The following CACNA2D2 variants were observed in gnomAD, a reference collection of about 807,000 sequenced individuals.
The protein encoded by CACNA2D2 is voltage-dependent calcium channel subunit alpha-2/delta-2.
Under a neutral mutation model 166.4 loss-of-function variants are expected in CACNA2D2, and 48 were observed. The observed-to-expected ratio is 0.29, with a 90% CI of 0.23 to 0.37. The LOEUF is 0.37. Ranked by LOEUF, CACNA2D2 falls within the 10% of genes least tolerant of loss-of-function variation. The pLI, the probability that CACNA2D2 is intolerant of heterozygous loss-of-function variation, is 1.00. For missense variants in CACNA2D2, 1,122 were observed against 1,433.0 expected, an observed-to-expected ratio of 0.78 and a Z score of 3.50; for synonymous variants, 561 against 573.7, an observed-to-expected ratio of 0.98 and a Z score of 0.32.
intron 3 of CACNA2D2, among the ~76,000 whole-genome samples, chr3:50,417,222 T>C (rs888796695): frequency 6.6e-6 from 1 of 152,068 alleles, no homozygotes; most frequent in Non-Finnish European, 1.5e-5. Context: ...CACACCCCCA[T>C]ACATGCAGGC....
chr3:50,488,584 C>A (rs1397462700), intron 1 of CACNA2D2, among the ~76,000 whole-genome samples: 6 of 150,670 alleles, frequency 4.0e-5, no homozygotes, highest in Non-Finnish European at 8.9e-5. Flanking sequence ...CCCCACCCCC[C>A]ACACCTCTTC....
chr3:50,365,298 G>A lies in CACNA2D2; in HGVS notation c.3098+58C>T. On this transcript the variant is annotated intron_variant, in intron 35 of 37. Transcript: ENST00000424201. This position sits in a 1 kb window ranked among gnomAD's most constrained non-coding sequence, Gnocchi z 4.5. Reference sequence around the variant, plus strand: ...CCCCGCCCCTTCCATCCTCCCGAGCGTCTCGCCCCGCTCACAGGTTCCGCC... The same window carrying A: ...CCCCGCCCCTTCCATCCTCCCGAGCATCTCGCCCCGCTCACAGGTTCCGCC... 9.9e-6 allele frequency: 15 copies of A among 1,522,360 alleles called. No homozygotes were observed. Among genetic ancestry groups the A allele is most frequent in the Non-Finnish European group, 1.3e-5 (15 of 1,126,364 alleles). The allele number at this position is 1,522,360 out of a possible 1,614,324, so 94.3% of individuals were successfully genotyped here.
intron 2 of CACNA2D2, among the ~76,000 whole-genome samples, chr3:50,467,310 C>A (rs929746686): frequency 6.6e-6 from 1 of 152,200 alleles, no homozygotes; most frequent in Non-Finnish European, 1.5e-5. Context: ...GCAGATGCCC[C>A]ATGCCTGCTA....
chr3:50,468,020 C>A (rs1709893966), intron 2 of CACNA2D2, among the ~76,000 whole-genome samples: 1 of 152,154 alleles, frequency 6.6e-6, no homozygotes, highest in South Asian at 2.1e-4. Flanking sequence ...GCTTGGGGCT[C>A]CATGAATCCG....
Position 50,366,060 on chromosome 3 carries a change from G to A in CACNA2D2, c.2813C>T (p.Ala938Val). The A allele has an allele frequency of 6.2e-7, 1 of 1,613,714 alleles. No homozygotes were observed. Among genetic ancestry groups the A allele is most frequent in the Non-Finnish European group, 8.5e-7 (1 of 1,179,984 alleles). Reference sequence around the variant, plus strand: ...ACCCAGGTTGCCAGGGGGCTGAGGGGCACAGGCTGCCTGATAGTCATAGGA... The same window carrying A: ...ACCCAGGTTGCCAGGGGGCTGAGGGACACAGGCTGCCTGATAGTCATAGGA... ...KESYDYQAAC[A>V]PQPPGNLGAA... The change falls in exon 32 of 38, where the codon GCC (alanine) becomes GTC (valine). Residue 938 changes from alanine (A) to valine (V), a missense_variant. Coordinates refer to ENST00000424201, the MANE Select transcript of CACNA2D2 (RefSeq NM_006030.4). This position sits in a 1 kb window ranked among gnomAD's most constrained non-coding sequence, Gnocchi z 5.9.
At chr3:50,409,140 C>T (rs1474781792) in intron 3 of CACNA2D2, among the ~76,000 whole-genome samples, 6 of 152,176 alleles carry the variant, frequency 3.9e-5, no homozygotes, top group Non-Finnish European at 5.9e-5. Context: ...TTTTTCTCCC[C>T]GCAAAATGGG....
intron 2 of CACNA2D2, among the ~76,000 whole-genome samples, chr3:50,458,358 A>C (rs1171966691): frequency 6.6e-6 from 1 of 152,184 alleles, no homozygotes; most frequent in Non-Finnish European, 1.5e-5. Context: ...ACTCCAAGCC[A>C]AGCCCTGTGC....
intron 3 of CACNA2D2, among the ~76,000 whole-genome samples, chr3:50,400,278 G>C (rs1706382197): frequency 6.6e-6 from 1 of 152,258 alleles, no homozygotes. Flanking sequence ...CCCTGGCCCT[G>C]TGGGCCTCTG....
At chr3:50,484,301 CT>C (rs1698182008) in intron 1 of CACNA2D2, among the ~76,000 whole-genome samples, 1 of 152,192 alleles carries the variant, frequency 6.6e-6, no homozygotes, top group African/African-American at 2.4e-5. Context: ...TCCTGCACCT[CT>C]GCAGCTGCCA....
rs142877499 is a variant in CACNA2D2, at chr3:50,365,655, G to A, written c.2949C>T (p.Ile983=). Residue 983 remains isoleucine, a synonymous_variant, in exon 34 of 38, where the codon ATC becomes ATT. Coordinates refer to ENST00000424201, the MANE Select transcript of CACNA2D2 (RefSeq NM_006030.4). This position sits in a 1 kb window ranked among gnomAD's most constrained non-coding sequence, Gnocchi z 4.5. The part of the protein sequence containing the change: ...SLFQQLLYGL[I]YHSWFQADPA... ...TACCTGCTTGGAACCAGCTGTGGTA[G>A]ATGAGGCCGTAGAGAAGCTGCTGGA... The A allele has an allele frequency of 3.2e-6, 5 of 1,581,968 alleles. No homozygotes were observed. The African/African-American group carries it at 5.4e-5, about 17-fold the overall frequency.
chr3:50,458,722 T>C (rs1709472054), intron 2 of CACNA2D2, among the ~76,000 whole-genome samples: 1 of 152,148 alleles, frequency 6.6e-6, no homozygotes, highest in Admixed American at 6.5e-5. Context: ...CAGGAGGCAC[T>C]AGGAACAACA....
chr3:50,461,537 TTTAAGACTAGCCTTAAGCC>T (rs1709580719), intron 2 of CACNA2D2, among the ~76,000 whole-genome samples: 1 of 151,204 alleles, frequency 6.6e-6, no homozygotes, highest in Admixed American at 6.6e-5. Context: ...AGGTCATGAG[TTTAAGACTAGCCTTAAGCC>T]TTAAGACTAG....
At chr3:50,479,182 T>C (rs1697936213) in intron 1 of CACNA2D2, among the ~76,000 whole-genome samples, 2 of 152,184 alleles carry the variant, frequency 1.3e-5, no homozygotes, top group Non-Finnish European at 2.9e-5. Flanking sequence ...TCCTTGTCTC[T>C]CTCTCTCTTA....
At chr3:50,420,483 C>G (rs1282864681) in intron 3 of CACNA2D2, among the ~76,000 whole-genome samples, 2 of 152,206 alleles carry the variant, frequency 1.3e-5, no homozygotes, top group African/African-American at 2.4e-5. Flanking sequence ...GGTGGCCTGG[C>G]TGGAGTTGTG....
intron 1 of CACNA2D2, among the ~76,000 whole-genome samples, chr3:50,500,590 T>C (rs2107192938): frequency 6.6e-6 from 1 of 152,090 alleles, no homozygotes; most frequent in East Asian, 1.9e-4. Flanking sequence ...GGGGAGGGCA[T>C]AACTGGAAAA....
At chr3:50,374,945 C>T in intron 21 of CACNA2D2, 132 bp from the exon 22 acceptor site, 1 of 743,206 alleles carries the variant, frequency 1.3e-6, no homozygotes, top group South Asian at 1.6e-5. Context: ...GACCCCTCTC[C>T]CCGCTTAGCT....
rs1344771174 is a variant in CACNA2D2 at position 50,367,348 on chromosome 3, G to A, written c.2401+46C>T. ...CAGTTCTGGCTGAGCAGACAGGGAA[G>A]CTGAGGCTCCCTGCCTGCTGCTGGG... is the stretch of plus-strand genomic sequence containing the variant. On this transcript the variant is annotated intron_variant, in intron 27 of 37. Coordinates refer to ENST00000424201, the MANE Select transcript of CACNA2D2 (RefSeq NM_006030.4). The surrounding 1 kb of genome is among the most constrained non-coding windows in gnomAD (Gnocchi z 6.5). 2 of 1,539,340 alleles carry A rather than the reference G, an allele frequency of 1.3e-6. No individual in the cohort carries two copies. The highest frequency in any genetic ancestry group is 2.3e-5 in the East Asian group (1 of 44,204).
intron 1 of CACNA2D2, among the ~76,000 whole-genome samples, chr3:50,489,137 T>C (rs1357611989): frequency 6.6e-6 from 1 of 152,082 alleles, no homozygotes; most frequent in African/African-American, 2.4e-5. Flanking sequence ...ACATAGGAAA[T>C]GTGATCCCAT....
rs144469695 is a variant in CACNA2D2 at position 50,438,032 on chromosome 3, T to C, written c.289-3603A>G. Among the ~76,000 whole-genome samples, 374 of 152,106 alleles carry C rather than the reference T, an allele frequency of 2.5e-3. 2 individuals carry two copies. Among genetic ancestry groups the C allele is most frequent in the African/African-American group, 8.6e-3 (357 of 41,494 alleles). On this transcript the variant is annotated intron_variant, in intron 2 of 37. Transcript: ENST00000424201. ...TGCCCCAGCTCTGTGCCAGCAGTGA[T>C]AGGGAGGGAGAGGCAGCAGCTTTAA...
Sources: gnomAD v4.1 joint callset for allele counts (sites outside exome capture counted in the v4.1 genomes callset) on GRCh38, gnomAD v4.1.1 for gene constraint, Gnocchi (gnomAD v3.1) non-coding constraint, MANE v1.5 for transcripts, NCBI Gene and HGNC (gene_info 2026-07-23, HGNC 2026-07-21) for gene names.